SLIT3: variants seen among roughly 807,000 people sequenced by gnomAD.
SLIT3 encodes the protein slit homolog 3 protein.
Under a neutral mutation model 184.0 loss-of-function variants are expected in SLIT3, and 68 were observed. That is an observed-to-expected ratio of 0.37 (90% confidence interval 0.30 to 0.45). The LOEUF (loss-of-function observed/expected upper bound fraction) is 0.45. Among genes scored for constraint, SLIT3 ranks in the 20% least tolerant of loss-of-function variants. The pLI, the probability that SLIT3 is intolerant of heterozygous loss-of-function variation, is 1.00. For missense variants in SLIT3, 1,707 were observed against 2,026.0 expected (o/e 0.84, Z 3.02); for synonymous variants, 831 against 828.6 (o/e 1.00, Z -0.05).
At chr5:168,733,134 T>G (rs755038665) in intron 20 of SLIT3, among the ~76,000 whole-genome samples, 20 of 150,964 alleles carry the variant, frequency 1.3e-4, no homozygotes, top group Non-Finnish European at 4.4e-5. Flanking sequence ...GGGCAAAGGA[T>G]ATGAATAAAC....
At position 168,844,586 on chromosome 5, in the gene SLIT3, G is replaced by C. The variant is rs756268296; in HGVS notation, c.555C>G (p.Ile185Met). 3 of 1,614,046 alleles carry C rather than the reference G, an allele frequency of 1.9e-6. No homozygotes were observed. Among genetic ancestry groups the C allele is most frequent in the Non-Finnish European group, 2.5e-6 (3 of 1,179,976 alleles). Residue 185 changes from isoleucine to methionine, a missense_variant and splice_region_variant, in exon 6 of 36, where the codon ATC becomes ATG. Physicochemically the swap from Ile to Met is conservative, Grantham distance 10. Coordinates refer to ENST00000519560, the MANE Select transcript of SLIT3 (RefSeq NM_003062.4). The part of the protein sequence containing the change: ...GAFRALRDLE[I>M]LTLNNNNISR... ...CAGCGATCGCAAAATCAACTCACAG[G>C]ATCTCCAAATCGCGCAGCGCTCGGA... is the stretch of plus-strand genomic sequence containing the variant.
chr5:169,031,241 C>A (rs1396102198), intron 4 of SLIT3, among the ~76,000 whole-genome samples: 1 of 152,040 alleles, frequency 6.6e-6, no homozygotes, highest in East Asian at 1.9e-4. Context: ...GGAAAGTTAC[C>A]CCTCAGCCAT....
At chr5:168,928,086 G>C (rs1761885414) in intron 4 of SLIT3, among the ~76,000 whole-genome samples, 1 of 152,146 alleles carries the variant, frequency 6.6e-6, no homozygotes, top group Non-Finnish European at 1.5e-5. Flanking sequence ...ATTATTAAGT[G>C]TTACCTTCCC....
At chr5:168,929,499 G>T (rs1193729815) in intron 4 of SLIT3, among the ~76,000 whole-genome samples, 1 of 152,174 alleles carries the variant, frequency 6.6e-6, no homozygotes, top group African/African-American at 2.4e-5. Context: ...ATTACACAGA[G>T]GTAGAGGCAA....
chr5:168,753,026 C>T lies in SLIT3; in HGVS notation c.1902G>A (p.Leu634=), dbSNP rs1249171842. 6.2e-7 allele frequency: 1 copy of T among 1,614,032 alleles called. No homozygotes were observed. The highest frequency in any genetic ancestry group is 1.3e-5 in the African/African-American group (1 of 75,000). ...TFAGLSSVRL[L]SLYDNRITTI... is the part of the protein sequence containing the mutation. ...TGGTGATCCGATTGTCATAGAGGGA[C>T]AGCAGTCTCACCGAACTCAGGCCGG... The change falls in exon 18 of 36, where the codon CTG becomes CTA. Residue 634 remains leucine (L), a synonymous_variant. Coordinates refer to ENST00000519560, the MANE Select transcript of SLIT3 (RefSeq NM_003062.4).
rs185339253 is a variant in SLIT3 at position 168,767,741 on chromosome 5, T to C, written c.1459+5040A>G. ...GGGAGGGGTCGGGGGTCACAAGCAG[T>C]AGGAATTCCCCTTTGGGTTAGCTGC... On this transcript the variant is annotated intron_variant, in intron 14 of 35. Transcript: ENST00000519560. 9.9e-5 allele frequency among the ~76,000 whole-genome samples: 15 copies of C among 152,210 alleles called. No homozygotes were observed. The East Asian group carries it at 2.7e-3, about 28-fold the overall frequency.
At chr5:168,917,458 TC>T (rs371004572) in intron 4 of SLIT3, among the ~76,000 whole-genome samples, 3 of 152,170 alleles carry the variant, frequency 2.0e-5, no homozygotes, top group African/African-American at 7.2e-5. Flanking sequence ...CTCAGTCAAA[TC>T]CCTTGTTTTT....
intron 5 of SLIT3, among the ~76,000 whole-genome samples, chr5:168,872,655 T>C (rs1423042879): frequency 6.7e-6 from 1 of 148,802 alleles, no homozygotes; most frequent in Non-Finnish European, 1.5e-5. Context: ...TTTTTTTTTT[T>C]TGAGACAGAG....
intron 3 of SLIT3, among the ~76,000 whole-genome samples, chr5:169,215,585 G>A (rs1412118071): frequency 6.6e-6 from 1 of 152,132 alleles, no homozygotes; most frequent in Non-Finnish European, 1.5e-5. Context: ...AAATGAGTGT[G>A]GCTGAGTTCC....
At chr5:168,908,016 T>C in intron 4 of SLIT3, among the ~76,000 whole-genome samples, 1 of 96,396 alleles carries the variant, frequency 1.0e-5, no homozygotes, top group African/African-American at 4.7e-5. Flanking sequence ...AGGTGGGGGG[T>C]TTCATTTCAT....
At chr5:168,688,780 T>C (rs929493789) in intron 29 of SLIT3, among the ~76,000 whole-genome samples, 1 of 152,252 alleles carries the variant, frequency 6.6e-6, no homozygotes, top group Non-Finnish European at 1.5e-5. Flanking sequence ...TACAGCACCA[T>C]GTATACTTCT....
intron 12 of SLIT3, among the ~76,000 whole-genome samples, chr5:168,776,587 C>G (rs568778469): frequency 6.6e-6 from 1 of 152,256 alleles, no homozygotes; most frequent in East Asian, 1.9e-4. Context: ...ATTGAGGTCT[C>G]TAGAGGGCTC....
Position 169,262,549 on chromosome 5 carries a change from C to T in SLIT3, c.198-11090G>A, listed in dbSNP as rs188337789. 3.9e-5 allele frequency among the ~76,000 whole-genome samples: 6 copies of T among 152,252 alleles called. No individual in the cohort carries two copies. The East Asian group carries it at 1.2e-3, about 29-fold the overall frequency. Reference sequence around the variant, plus strand: ...TCCAGGCTGTGAGGCATCTATGGGGCTGACAACATGCTTGGGGACTGGAAC... The same window carrying T: ...TCCAGGCTGTGAGGCATCTATGGGGTTGACAACATGCTTGGGGACTGGAAC... On this transcript the variant is annotated intron_variant, in intron 1 of 35. Coordinates refer to ENST00000519560, the MANE Select transcript of SLIT3 (RefSeq NM_003062.4).
intron 4 of SLIT3, chr5:169,017,697 A>G (rs561180892): frequency 6.6e-6 from 1 of 152,344 alleles, no homozygotes; most frequent in Admixed American, 6.5e-5. Context: ...CAGTAATTCT[A>G]AAGAGGTGTC....
At position 168,953,862 on chromosome 5, in the gene SLIT3, ATATT is replaced by A. The variant is rs1256466352; in HGVS notation, c.414-70530_414-70527del. On this transcript the variant is annotated intron_variant, in intron 4 of 35. Transcript: ENST00000519560. ...GTGCACAAAGAGCTCTCATACATAAATATTTATTTGCCCTTCAAAATGTTTTCAC... is the reference window on the plus strand; with the variant it reads ...GTGCACAAAGAGCTCTCATACATAAATATTTGCCCTTCAAAATGTTTTCAC... Among the ~76,000 whole-genome samples the A allele has an allele frequency of 7.9e-5, 12 of 152,314 alleles. No individual in the cohort carries two copies. The East Asian group carries it at 2.3e-3, about 29-fold the overall frequency.
intron 1 of SLIT3, among the ~76,000 whole-genome samples, chr5:169,251,769 C>T (rs6894610): frequency 0.057 from 8,634 of 152,250 alleles, 247 homozygotes; most frequent in Non-Finnish European, 0.063. Flanking sequence ...ATGGGGCTGA[C>T]CCCTCTTTCC....
intron 4 of SLIT3, among the ~76,000 whole-genome samples, chr5:169,134,674 A>C (rs192231089): frequency 3.7e-4 from 57 of 152,258 alleles, no homozygotes; most frequent in African/African-American, 1.4e-3. Context: ...GGGTGCAGCA[A>C]ACCAACATGG....
At chr5:168,923,560 A>G (rs1761710392) in intron 4 of SLIT3, among the ~76,000 whole-genome samples, 1 of 141,576 alleles carries the variant, frequency 7.1e-6, no homozygotes, top group Admixed American at 7.5e-5. Flanking sequence ...TCTGTTGCCC[A>G]GGCTGGAGTG....
intron 35 of SLIT3, among the ~76,000 whole-genome samples, chr5:168,668,998 G>T (rs1186960549): frequency 6.6e-6 from 1 of 152,224 alleles, no homozygotes; most frequent in East Asian, 1.9e-4. Context: ...AGGTCATGCA[G>T]ATTCTAAATG....
Sources: allele counts gnomAD v4.1 joint callset (sites outside exome capture counted in the v4.1 genomes callset), GRCh38; gene constraint gnomAD v4.1.1; transcripts MANE v1.5; gene names NCBI Gene and HGNC (gene_info 2026-07-23, HGNC 2026-07-21).